RYK: variants seen among roughly 807,000 people sequenced by gnomAD.
RYK encodes the protein inactive tyrosine-protein kinase RYK.
RYK carries 21 observed loss-of-function variants against 70.2 expected under a neutral mutation model. The observed-to-expected ratio is 0.30, with a 90% CI of 0.21 to 0.43. RYK has a LOEUF of 0.43. Among genes scored for constraint, RYK ranks in the 20% least tolerant of loss-of-function variants. The probability of loss-of-function intolerance (pLI) is 1.00; values close to 1 mark genes in which losing one functional copy is unlikely to be tolerated. For synonymous variants in RYK, 267 were observed against 278.0 expected, an observed-to-expected ratio of 0.96 and a Z score of 0.39; for missense variants, 604 against 753.3, an observed-to-expected ratio of 0.80 and a Z score of 2.32.
chr3:134,247,237 A>C (rs2015489365), intron 1 of RYK, among the ~76,000 whole-genome samples: 1 of 152,236 alleles, frequency 6.6e-6, no homozygotes, highest in Non-Finnish European at 1.5e-5. Flanking sequence ...GAAATGAGAA[A>C]GAGCTCAGTT....
chr3:134,244,674 C>G (rs1220190749), intron 1 of RYK, among the ~76,000 whole-genome samples: 1 of 152,190 alleles, frequency 6.6e-6, no homozygotes, highest in Non-Finnish European at 1.5e-5. Flanking sequence ...TGTTTCAGAA[C>G]TTATACACTT....
chr3:134,165,203 A>T (rs1475431164), intron 13 of RYK, among the ~76,000 whole-genome samples: 4 of 152,206 alleles, frequency 2.6e-5, no homozygotes, highest in Non-Finnish European at 5.9e-5. Context: ...AGTGTTCAAA[A>T]ATACAATTTA....
chr3:134,203,543 C>T (rs1373767706), intron 5 of RYK, among the ~76,000 whole-genome samples: 1 of 151,772 alleles, frequency 6.6e-6, no homozygotes, highest in Non-Finnish European at 1.5e-5. Flanking sequence ...GTCAACAGAC[C>T]TTACTAATGG....
intron 1 of RYK, among the ~76,000 whole-genome samples, chr3:134,246,339 C>G (rs1486319447): frequency 1.0e-4 from 14 of 139,632 alleles, no homozygotes; most frequent in East Asian, 4.5e-4. Flanking sequence ...CACACACACA[C>G]ACACAGAGAG....
chr3:134,194,010 G>A (rs1001425383), intron 7 of RYK, among the ~76,000 whole-genome samples: 1 of 152,194 alleles, frequency 6.6e-6, no homozygotes, highest in African/African-American at 2.4e-5. Flanking sequence ...TATTCAGGTG[G>A]TGACAGCCTG....
intron 6 of RYK, among the ~76,000 whole-genome samples, chr3:134,199,237 T>C (rs141221465): frequency 6.6e-6 from 1 of 152,340 alleles, no homozygotes; most frequent in Non-Finnish European, 1.5e-5. Flanking sequence ...TGAGATCTGT[T>C]TATAACAAGC....
At chr3:134,238,584 T>C (rs2015246496) in intron 1 of RYK, among the ~76,000 whole-genome samples, 1 of 152,118 alleles carries the variant, frequency 6.6e-6, no homozygotes, top group Admixed American at 6.5e-5. Context: ...CTCCTGTTCC[T>C]CCCAAGGAAA....
chr3:134,172,882 C>A (rs1019629533), intron 13 of RYK, among the ~76,000 whole-genome samples: 1 of 152,176 alleles, frequency 6.6e-6, no homozygotes, highest in African/African-American at 2.4e-5. Flanking sequence ...CATCCTGCCA[C>A]CCATCACCCA....
chr3:134,196,943 A>G (rs1400147857), intron 6 of RYK, among the ~76,000 whole-genome samples: 4 of 152,118 alleles, frequency 2.6e-5, no homozygotes, highest in African/African-American at 9.7e-5. Context: ...ATGCCCCCCC[A>G]GCATGCCTTC....
intron 13 of RYK, among the ~76,000 whole-genome samples, chr3:134,169,317 G>A (rs1407827026): frequency 6.6e-6 from 1 of 152,102 alleles, no homozygotes; most frequent in African/African-American, 2.4e-5. Flanking sequence ...GTTCTTAAGA[G>A]CAGAATTACG....
At position 134,175,636 on chromosome 3, in the gene RYK, A is replaced by G. The variant is rs370162090; in HGVS notation, c.1548T>C (p.Asn516=). 3.3e-5 allele frequency: 54 copies of G among 1,613,844 alleles called. No individual in the cohort carries two copies. The highest frequency in any genetic ancestry group is 4.5e-5 in the Non-Finnish European group (53 of 1,179,886). The change falls in exon 13 of 15, where the codon AAT becomes AAC. Residue 516 remains asparagine, a synonymous_variant. Transcript: ENST00000623711. ...CATCACTAGCGCTAGAGAACTCGTT[A>G]TTAACCAGACTTTCAAGAGCCATCC... ...VRWMALESLV[N]NEFSSASDVW... is the part of the protein sequence containing the mutation.
intron 1 of RYK, among the ~76,000 whole-genome samples, chr3:134,249,661 C>A (rs2015554283): frequency 6.6e-6 from 1 of 152,062 alleles, no homozygotes; most frequent in South Asian, 2.1e-4. Flanking sequence ...ACAAACCGAC[C>A]CAAGACTAAG....
At chr3:134,182,937 C>T (rs2013347186) in intron 10 of RYK, 65 bp downstream of exon 10, 6 of 988,772 alleles carry the variant, frequency 6.1e-6, no homozygotes, top group Admixed American at 2.4e-5. Context: ...ATGTTCTGCA[C>T]ATAAAAATGT....
At chr3:134,180,572 G>C (rs567349315) in intron 10 of RYK, 30 of 152,236 alleles carry the variant, frequency 2.0e-4, no homozygotes, top group South Asian at 6.2e-4. Context: ...GCCTAACACA[G>C]TTCCAAGTGC....
intron 13 of RYK, among the ~76,000 whole-genome samples, chr3:134,162,465 G>A (rs1438147665): frequency 4.6e-5 from 7 of 152,270 alleles, no homozygotes; most frequent in South Asian, 2.1e-4. Flanking sequence ...TGCTCTGGGA[G>A]GAGGGGGCAG....
intron 13 of RYK, among the ~76,000 whole-genome samples, chr3:134,173,279 C>CAA (rs370721110): frequency 0.11 from 13,367 of 125,644 alleles, 1,222 homozygotes; most frequent in South Asian, 0.34. Context: ...GACTCTGTCT[C>CAA]AAAAAAAAAA....
At chr3:134,168,231 G>C (rs2012756425) in intron 13 of RYK, among the ~76,000 whole-genome samples, 1 of 152,172 alleles carries the variant, frequency 6.6e-6, no homozygotes, top group South Asian at 2.1e-4. Flanking sequence ...CAAGGATCTA[G>C]AACTAGAAAT....
At chr3:134,195,329 T>C (rs1402873384) in intron 6 of RYK, 147 bp from the exon 7 acceptor site, 1 of 596,150 alleles carries the variant, frequency 1.7e-6, no homozygotes, top group Non-Finnish European at 3.0e-6. Context: ...CCAATACTGA[T>C]ATTTTAATCT....
chr3:134,181,282 A>G (rs2013286003), intron 10 of RYK: 1 of 152,218 alleles, frequency 6.6e-6, no homozygotes, highest in African/African-American at 2.4e-5. Context: ...AAAAAGGACA[A>G]TATTCCAACT....
Sources: allele counts gnomAD v4.1 joint callset (sites outside exome capture counted in the v4.1 genomes callset), GRCh38; gene constraint gnomAD v4.1.1; transcripts MANE v1.5; gene names NCBI Gene and HGNC (gene_info 2026-07-23, HGNC 2026-07-21).